The following SNX29 variants were observed in gnomAD, a reference collection of about 807,000 sequenced individuals.
The protein encoded by SNX29 is sorting nexin-29.
SNX29 carries 78 observed loss-of-function variants against 102.1 expected under a neutral mutation model. That is an observed-to-expected ratio of 0.76 (90% CI 0.64 to 0.92). The LOEUF (loss-of-function observed/expected upper bound fraction) is 0.92, where lower values mean the gene tolerates loss of function less well. Ranked by LOEUF, SNX29 falls within the 40% of genes least tolerant of loss-of-function variation. SNX29 has a pLI of 0.00. For synonymous variants in SNX29, 580 were observed against 414.5 expected (o/e 1.40, Z -4.85); for missense variants, 1,280 against 1,061.7 (o/e 1.21, Z -2.86).
chr16:12,325,794 A>G (rs955710455), intron 15 of SNX29, among the ~76,000 whole-genome samples: 1 of 152,078 alleles, frequency 6.6e-6, no homozygotes, highest in Non-Finnish European at 1.5e-5. Flanking sequence ...TGAGGGTCCA[A>G]GGCAGGAGAA....
chr16:12,332,789 G>T (rs1044953466), intron 15 of SNX29, among the ~76,000 whole-genome samples: 13 of 152,020 alleles, frequency 8.6e-5, no homozygotes, highest in Admixed American at 2.0e-4. Context: ...TGGTCTCCTC[G>T]TCAGTCCTCA....
At chr16:12,497,302 C>G (rs374706601) in intron 19 of SNX29, among the ~76,000 whole-genome samples, 9 of 152,340 alleles carry the variant, frequency 5.9e-5, no homozygotes, top group East Asian at 1.9e-4. Flanking sequence ...TATTGAATAT[C>G]TATCATACAC....
intron 3 of SNX29, among the ~76,000 whole-genome samples, chr16:12,016,449 C>G (rs1458636795): frequency 6.6e-6 from 1 of 152,204 alleles, no homozygotes; most frequent in Non-Finnish European, 1.5e-5. Flanking sequence ...AATAATTTCA[C>G]TGGCACAAGA....
At chr16:12,538,069 TTTC>T (rs2077157457) in intron 20 of SNX29, among the ~76,000 whole-genome samples, 1 of 151,660 alleles carries the variant, frequency 6.6e-6, no homozygotes, top group South Asian at 2.1e-4. Context: ...TGGTGACAGC[TTTC>T]TTCTCAGTGG....
chr16:12,326,166 G>A (rs775522290), intron 15 of SNX29, among the ~76,000 whole-genome samples: 56 of 151,790 alleles, frequency 3.7e-4, no homozygotes, highest in African/African-American at 1.0e-3. Context: ...GTGCCACCAC[G>A]TCTGGCTAAT....
intron 9 of SNX29, among the ~76,000 whole-genome samples, chr16:12,067,921 CT>C (rs1344775782): frequency 6.6e-6 from 1 of 152,222 alleles, no homozygotes; most frequent in East Asian, 1.9e-4. Context: ...GTTCAGGTCC[CT>C]AGCCCGTTAG....
At chr16:12,279,939 G>A (rs2079379168) in intron 15 of SNX29, among the ~76,000 whole-genome samples, 1 of 152,192 alleles carries the variant, frequency 6.6e-6, no homozygotes, top group Admixed American at 6.5e-5. Flanking sequence ...CTCAGTGAGG[G>A]TGCCTACTTC....
intron 20 of SNX29, chr16:12,526,777 C>G: frequency 2.4e-6 from 1 of 425,096 alleles, no homozygotes; most frequent in African/African-American, 2.0e-5. Flanking sequence ...AAGTCAGTGT[C>G]CCCCACCCCC....
In SNX29 at chr16:12,573,013, G is replaced by A. The variant is rs1379767469; in HGVS notation, c.*4384G>A. 6.6e-6 allele frequency: 2 copies of A among 301,228 alleles called. No individual in the cohort carries two copies. Among genetic ancestry groups the A allele is most frequent in the African/African-American group, 2.2e-5 (1 of 45,862 alleles). 18.7% of individuals were successfully genotyped at this position (301,228 alleles called of 1,614,324 possible). ...TCATTAAAGCTACTGTTAAATATTT[G>A]CTGTTTTTAGATTGGCGTCCGTGCT... On this transcript the variant is annotated 3_prime_UTR_variant, in exon 21 of 21. Transcript: ENST00000566228.
At chr16:12,202,691 C>T (rs1195039173) in intron 14 of SNX29, among the ~76,000 whole-genome samples, 2 of 152,212 alleles carry the variant, frequency 1.3e-5, no homozygotes, top group Admixed American at 6.5e-5. Context: ...AAAGAGGAGG[C>T]GATCCTCCTC....
At position 12,545,175 on chromosome 16, in the gene SNX29, A is replaced by ATTG. The variant is rs1488668078; in HGVS notation, c.2318+20334_2318+20335insTTG. 7.9e-5 allele frequency among the ~76,000 whole-genome samples: 12 copies of ATTG among 152,302 alleles called. No individual in the cohort carries two copies. The South Asian group carries it at 2.5e-3, about 32-fold the overall frequency. On this transcript the variant is annotated intron_variant, in intron 20 of 20. Transcript: ENST00000566228. ...ACAGACACTCTGCCAGCCGTCAGAG[A>ATTG]AACAAATATGGTCAATACAAAAAAG...
At position 12,570,919 on chromosome 16, in the gene SNX29, T is replaced by TGGG. The variant is rs35339898; in HGVS notation, c.*2291_*2292insGGG. The TGGG allele has an allele frequency of 0.23, 53,669 of 231,682 alleles. 6,664 individuals carry two copies. Among genetic ancestry groups the TGGG allele is most frequent in the East Asian group, 0.43 (7,081 of 16,338 alleles). 14.4% of individuals were successfully genotyped at this position (231,682 alleles called of 1,614,324 possible). ...AAAAAACCTGGTCTGCTCTCCAAAATGAGAGCATGTTCCTGGGAGCCACAT... is the reference window on the plus strand; with the variant it reads ...AAAAAACCTGGTCTGCTCTCCAAAATGGGGAGAGCATGTTCCTGGGAGCCACAT... On this transcript the variant is annotated 3_prime_UTR_variant, in exon 21 of 21. Transcript: ENST00000566228.
intron 16 of SNX29, among the ~76,000 whole-genome samples, chr16:12,394,704 C>G (rs1260214416): frequency 2.0e-5 from 3 of 152,158 alleles, no homozygotes; most frequent in Admixed American, 2.0e-4. Context: ...GCTTCTCCAC[C>G]TGGAGAAAGC....
chr16:12,560,549 A>G (rs982611189), intron 20 of SNX29, among the ~76,000 whole-genome samples: 1 of 151,980 alleles, frequency 6.6e-6, no homozygotes, highest in African/African-American at 2.4e-5. Context: ...TCTGGTTGAA[A>G]CGTTGCTCAG....
At chr16:12,469,101 C>T (rs1171852432) in intron 18 of SNX29, among the ~76,000 whole-genome samples, 1 of 152,216 alleles carries the variant, frequency 6.6e-6, no homozygotes. Flanking sequence ...CACATCCAGA[C>T]CTTTATGCTA....
intron 16 of SNX29, among the ~76,000 whole-genome samples, chr16:12,381,032 C>A (rs1271067636): frequency 1.1e-5 from 1 of 89,564 alleles, no homozygotes; most frequent in Non-Finnish European, 2.2e-5. Context: ...TCCACCCACC[C>A]ACCATCCATC....
chr16:12,321,898 C>G (rs1402478482), intron 15 of SNX29, among the ~76,000 whole-genome samples: 2 of 152,096 alleles, frequency 1.3e-5, no homozygotes, highest in African/African-American at 4.8e-5. Context: ...GGGAGGTGGC[C>G]CAGCGTGGAT....
chr16:12,057,344 T>A (rs2050561990), intron 8 of SNX29, among the ~76,000 whole-genome samples: 2 of 152,180 alleles, frequency 1.3e-5, no homozygotes, highest in Admixed American at 6.5e-5. Context: ...TGTCAGTGAG[T>A]CCTCAGTTCC....
At chr16:12,549,766 T>C (rs1318638455) in intron 20 of SNX29, among the ~76,000 whole-genome samples, 2 of 152,232 alleles carry the variant, frequency 1.3e-5, no homozygotes, top group Non-Finnish European at 2.9e-5. Flanking sequence ...TGTTGGTGAT[T>C]AGCAGGTGAT....
Sources: allele counts gnomAD v4.1 joint callset (sites outside exome capture counted in the v4.1 genomes callset), GRCh38; gene constraint gnomAD v4.1.1; transcripts MANE v1.5; gene names NCBI Gene and HGNC (gene_info 2026-07-23, HGNC 2026-07-21).